The following NKAIN2 variants were observed in gnomAD, a reference collection of about 807,000 sequenced individuals.
NKAIN2 encodes sodium/potassium-transporting ATPase subunit beta-1-interacting protein 2.
Under a neutral mutation model 32.6 loss-of-function variants are expected in NKAIN2, and 14 were observed. The observed-to-expected ratio is 0.43, with a 90% CI of 0.28 to 0.67. The LOEUF (loss-of-function observed/expected upper bound fraction) is 0.67, where lower values mean the gene tolerates loss of function less well. NKAIN2 is among the 30% of genes least tolerant of loss of function. The pLI is 0.17. For synonymous variants in NKAIN2, 80 were observed against 87.2 expected, an observed-to-expected ratio of 0.92 and a Z score of 0.46; for missense variants, 198 against 258.3, an observed-to-expected ratio of 0.77 and a Z score of 1.60.
Position 124,411,743 on chromosome 6 carries a change from G to C in NKAIN2, c.273+56396G>C, listed in dbSNP as rs1449862512. 2.6e-5 allele frequency among the ~76,000 whole-genome samples: 4 copies of C among 152,124 alleles called. No homozygotes were observed. The East Asian group carries it at 7.7e-4, about 29-fold the overall frequency. On this transcript the variant is annotated intron_variant, in intron 3 of 6. Transcript: ENST00000368417. ...AATTTTGGCCTGCCTTGCTAGATTG[G>C]GGAAGTTCTCCTGGATAATATCCTG...
intron 1 of NKAIN2, among the ~76,000 whole-genome samples, chr6:124,111,346 A>T (rs1473864775): frequency 3.3e-5 from 5 of 150,036 alleles, no homozygotes; most frequent in Non-Finnish European, 7.5e-5. Flanking sequence ...TTCTCCTTTC[A>T]GTTCTGTCAA....
intron 2 of NKAIN2, among the ~76,000 whole-genome samples, chr6:124,343,324 A>G (rs1798229792): frequency 6.6e-6 from 1 of 151,642 alleles, no homozygotes; most frequent in South Asian, 2.1e-4. Context: ...AGCATGATTT[A>G]TAGTCCTTTG....
chr6:124,558,236 G>A (rs983902562), intron 3 of NKAIN2, among the ~76,000 whole-genome samples: 1 of 152,150 alleles, frequency 6.6e-6, no homozygotes, highest in African/African-American at 2.4e-5. Context: ...CATGATTTAT[G>A]TGTAGCATCC....
chr6:124,819,198 A>T, intron 6 of NKAIN2: 2 of 630,926 alleles, frequency 3.2e-6, no homozygotes, highest in Non-Finnish European at 4.0e-6. Flanking sequence ...TCATTTTAAA[A>T]TGTGAACTTC....
At chr6:124,100,397 C>T (rs890074939) in intron 1 of NKAIN2, among the ~76,000 whole-genome samples, 2 of 152,294 alleles carry the variant, frequency 1.3e-5, no homozygotes, top group South Asian at 2.1e-4. Flanking sequence ...CTTTCAGACA[C>T]ATGTGTAATT....
chr6:124,031,338 G>A (rs1002077341), intron 1 of NKAIN2, among the ~76,000 whole-genome samples: 1 of 151,816 alleles, frequency 6.6e-6, no homozygotes, highest in African/African-American at 2.4e-5. Context: ...TATCCATTTT[G>A]TTGATCTTTT....
chr6:124,112,349 TTTTA>T (rs1361293483), intron 1 of NKAIN2, among the ~76,000 whole-genome samples: 36 of 152,236 alleles, frequency 2.4e-4, no homozygotes, highest in African/African-American at 8.4e-4. Context: ...TTGATGACAG[TTTTA>T]TTTTTCTTTT....
At chr6:124,684,522 C>T (rs1030763294) in intron 4 of NKAIN2, among the ~76,000 whole-genome samples, 9 of 152,144 alleles carry the variant, frequency 5.9e-5, no homozygotes, top group Non-Finnish European at 1.0e-4. Context: ...ATTTATACTA[C>T]ATATTATTCT....
At position 124,272,951 on chromosome 6, in the gene NKAIN2, A is replaced by C. The variant is rs147217216; in HGVS notation, c.55-10054A>C. 7.7e-4 allele frequency among the ~76,000 whole-genome samples: 118 copies of C among 152,308 alleles called. No individual in the cohort carries two copies. In the South Asian group the frequency reaches 9.9e-3, roughly 13 times the overall value. Reference sequence around the variant, plus strand: ...CACATTTCTCGCATTTGGAATGGAAACATTTACCCAATGCCTGTTCCCCCA... The same window carrying C: ...CACATTTCTCGCATTTGGAATGGAACCATTTACCCAATGCCTGTTCCCCCA... On this transcript the variant is annotated intron_variant, in intron 1 of 6. Transcript: ENST00000368417.
intron 4 of NKAIN2, 141 bp from the exon 5 acceptor site, chr6:124,791,198 G>C (rs1779728155): frequency 1.9e-6 from 1 of 526,720 alleles, no homozygotes; most frequent in Non-Finnish European, 3.6e-6. Flanking sequence ...CCACACTGAA[G>C]TCAAGGTCCA....
intron 5 of NKAIN2, among the ~76,000 whole-genome samples, chr6:124,803,746 C>A (rs866020292): frequency 2.8e-4 from 42 of 152,100 alleles, no homozygotes; most frequent in African/African-American, 9.4e-4. Context: ...AATTCTAATA[C>A]AAAGTTCTCT....
intron 1 of NKAIN2, among the ~76,000 whole-genome samples, chr6:123,916,720 A>G (rs1775512375): frequency 1.3e-5 from 2 of 151,510 alleles, no homozygotes; most frequent in African/African-American, 4.9e-5. Context: ...GAGAATTGAG[A>G]TGTAGATATA....
chr6:124,156,371 C>A lies in NKAIN2; in HGVS notation c.55-126634C>A, dbSNP rs76779170. On this transcript the variant is annotated intron_variant, in intron 1 of 6. Transcript: ENST00000368417. ...CCCTAGATACAGCTATCCTACATAC[C>A]AGGATTTCAGCAGTGAGGAAGGCAG... Among the ~76,000 whole-genome samples the A allele has an allele frequency of 1.0e-3, 155 of 152,156 alleles. 1 individual carries two copies. The East Asian group carries it at 0.026, about 25-fold the overall frequency.
intron 2 of NKAIN2, among the ~76,000 whole-genome samples, chr6:124,298,593 T>A (rs374594177): frequency 1.3e-5 from 2 of 152,168 alleles, no homozygotes; most frequent in Non-Finnish European, 2.9e-5. Flanking sequence ...TTGTCTACAC[T>A]CAGGCATAGA....
chr6:124,550,588 A>G (rs1451978687), intron 3 of NKAIN2, among the ~76,000 whole-genome samples: 2 of 152,148 alleles, frequency 1.3e-5, no homozygotes, highest in African/African-American at 2.4e-5. Flanking sequence ...GCTTCCAGCC[A>G]CAGGGGTTGA....
At chr6:124,725,766 C>CG (rs1263340208) in intron 4 of NKAIN2, among the ~76,000 whole-genome samples, 3 of 152,138 alleles carry the variant, frequency 2.0e-5, no homozygotes, top group Non-Finnish European at 4.4e-5. Context: ...ACGCAGAAGA[C>CG]GGTGATTTCT....
intron 3 of NKAIN2, among the ~76,000 whole-genome samples, chr6:124,420,835 T>C (rs1270271693): frequency 6.6e-6 from 1 of 152,078 alleles, no homozygotes; most frequent in Non-Finnish European, 1.5e-5. Flanking sequence ...TAATTATTTT[T>C]TAATACTCAG....
intron 1 of NKAIN2, among the ~76,000 whole-genome samples, chr6:124,221,327 A>G (rs557178039): frequency 2.5e-4 from 38 of 149,052 alleles, no homozygotes; most frequent in African/African-American, 8.9e-4. Context: ...AACACCACAT[A>G]TTCTCACTCA....
chr6:124,283,419 T>C, intron 2 of NKAIN2: 1 of 251,980 alleles, frequency 4.0e-6, no homozygotes, highest in Non-Finnish European at 7.6e-6. Flanking sequence ...TGTTTCTATG[T>C]TTCTACATTA....
Sources: gnomAD v4.1 joint callset for allele counts (sites outside exome capture counted in the v4.1 genomes callset) on GRCh38, gnomAD v4.1.1 for gene constraint, MANE v1.5 for transcripts, NCBI Gene and HGNC (gene_info 2026-07-23, HGNC 2026-07-21) for gene names.